Variants in KCNN2 observed in about 807,000 individuals in gnomAD.
The protein encoded by KCNN2 is small conductance calcium-activated potassium channel protein 2.
In KCNN2, 24 loss-of-function variants were observed where a neutral mutation model predicts 55.5. That is an observed-to-expected ratio of 0.43 (90% CI 0.31 to 0.61). The LOEUF is 0.61. KCNN2 is among the 20% of genes least tolerant of loss of function. The pLI is 0.08. For missense variants in KCNN2, 754 were observed against 853.6 expected (o/e 0.88, Z 1.45); for synonymous variants, 431 against 336.1 (o/e 1.28, Z -3.09).
intron 1 of KCNN2, among the ~76,000 whole-genome samples, chr5:114,199,918 T>A (rs903109884): frequency 2.0e-5 from 3 of 152,084 alleles, no homozygotes; most frequent in African/African-American, 7.2e-5. Flanking sequence ...TGACTAGATG[T>A]TTTTCTCTTG....
At chr5:114,371,617 CTG>C (rs1034365367) in intron 2 of KCNN2, among the ~76,000 whole-genome samples, 5 of 152,130 alleles carry the variant, frequency 3.3e-5, no homozygotes, top group African/African-American at 7.2e-5. Flanking sequence ...CAGAAACAGA[CTG>C]TAAGTTTTAG....
chr5:114,382,324 TC>T (rs1235049421), intron 2 of KCNN2, among the ~76,000 whole-genome samples: 1 of 152,302 alleles, frequency 6.6e-6, no homozygotes. Flanking sequence ...GTCACCTCTT[TC>T]CTTTCTGTGA....
At chr5:114,401,143 G>A (rs542842314) in intron 2 of KCNN2, among the ~76,000 whole-genome samples, 1 of 151,754 alleles carries the variant, frequency 6.6e-6, no homozygotes, top group East Asian at 1.9e-4. Flanking sequence ...TTGAGGGTCA[G>A]GATTATGTGG....
chr5:114,363,026 C>G lies in KCNN2; in HGVS notation c.887C>G (p.Thr296Ser). The change falls in exon 1 of 8, where the codon ACC becomes AGC. Residue 296 changes from threonine to serine, a missense_variant. By Grantham distance (58) the Thr-to-Ser change is moderately conservative. Around this residue, in one of 4 missense-constraint regions of KCNN2, gnomAD observed 381 missense variants for 259.1 expected, o/e 1.47. Coordinates refer to ENST00000673685, the MANE Select transcript of KCNN2 (RefSeq NM_021614.4). ...NNSNNLALYG[T>S]GGGGSTGGGG... ...TCCAACAACCTGGCGCTCTATGGAA[C>G]CGGCGGCGGAGGCAGCACTGGAGGA... 6.2e-7 allele frequency: 1 copy of G among 1,602,738 alleles called. No homozygotes were observed. Among genetic ancestry groups the G allele is most frequent in the Non-Finnish European group, 8.5e-7 (1 of 1,176,872 alleles).
At chr5:114,256,684 T>A (rs926620008) in intron 2 of KCNN2, among the ~76,000 whole-genome samples, 2 of 152,320 alleles carry the variant, frequency 1.3e-5, no homozygotes, top group South Asian at 4.1e-4. Context: ...TTGAAAAGTG[T>A]CTGTTCATAT....
chr5:114,243,452 A>G (rs981108224), intron 2 of KCNN2, among the ~76,000 whole-genome samples: 1 of 149,362 alleles, frequency 6.7e-6, no homozygotes, highest in Non-Finnish European at 1.5e-5. Context: ...GTCTGGCCCC[A>G]TCTTGCCCCG....
chr5:114,209,232 T>A (rs943538573), intron 1 of KCNN2, among the ~76,000 whole-genome samples: 1 of 152,038 alleles, frequency 6.6e-6, no homozygotes, highest in Non-Finnish European at 1.5e-5. Context: ...TTTTTAATTT[T>A]TGCCTTTTAA....
At chr5:114,333,103 G>A (rs904347898) in intron 2 of KCNN2, among the ~76,000 whole-genome samples, 2 of 152,182 alleles carry the variant, frequency 1.3e-5, no homozygotes, top group African/African-American at 4.8e-5. Flanking sequence ...AAAGTTTACA[G>A]TCAGAAAGAA....
intron 3 of KCNN2, among the ~76,000 whole-genome samples, chr5:114,430,604 A>T (rs1759763105): frequency 6.6e-6 from 1 of 152,028 alleles, no homozygotes; most frequent in African/African-American, 2.4e-5. Context: ...TGTCTTTATT[A>T]GCTAGAACTT....
At chr5:114,136,184 G>C (rs1176345755) in intron 1 of KCNN2, among the ~76,000 whole-genome samples, 2 of 152,160 alleles carry the variant, frequency 1.3e-5, no homozygotes, top group South Asian at 4.1e-4. Context: ...TAAGAGGTGG[G>C]AACACTAAGA....
chr5:114,423,784 T>G (rs1759538990), intron 3 of KCNN2, among the ~76,000 whole-genome samples: 2 of 152,140 alleles, frequency 1.3e-5, no homozygotes, highest in South Asian at 4.1e-4. Flanking sequence ...AGTCATAATT[T>G]CAAAACTCAG....
chr5:114,149,829 C>T lies in KCNN2; in HGVS notation c.-270-71651C>T, dbSNP rs760643498. On this transcript the variant is annotated intron_variant, in intron 1 of 10. Coordinates refer to the KCNN2 transcript ENST00000512097. ...GAAACAGGACGTGAAGCTAGACAACCGGTTAGACCAAAAATTCTCAGAAGG... is the reference window on the plus strand; with the variant it reads ...GAAACAGGACGTGAAGCTAGACAACTGGTTAGACCAAAAATTCTCAGAAGG... Among the ~76,000 whole-genome samples, 13 of 152,116 alleles carry T rather than the reference C, an allele frequency of 8.5e-5. No individual in the cohort carries two copies. In the South Asian group the frequency reaches 1.0e-3, roughly 12 times the overall value.
At chr5:114,356,571 A>G (rs1443230411) in intron 2 of KCNN2, among the ~76,000 whole-genome samples, 2 of 152,118 alleles carry the variant, frequency 1.3e-5, no homozygotes, top group Admixed American at 1.3e-4. Flanking sequence ...TAACTAGCTG[A>G]GAAACGGTAG....
intron 1 of KCNN2, among the ~76,000 whole-genome samples, chr5:114,219,972 T>A (rs187382499): frequency 1.8e-4 from 28 of 152,340 alleles, no homozygotes; most frequent in Admixed American, 1.6e-3. Flanking sequence ...ATTGTCTTTG[T>A]TGCATATTAT....
Position 114,403,852 on chromosome 5 carries a change from C to T in KCNN2, c.1219-586C>T, listed in dbSNP as rs375838481. On this transcript the variant is annotated intron_variant, in intron 2 of 7. Transcript: ENST00000673685. ...GAATAATCCAAGGGAAGGCTATGGA[C>T]GAATAGAAGAAAAGAGACAGAAAAT... 1.1e-4 allele frequency among the ~76,000 whole-genome samples: 16 copies of T among 152,018 alleles called. 1 individual carries two copies. The East Asian group carries it at 1.4e-3, about 13-fold the overall frequency.
At chr5:114,267,027 C>T (rs1038169595) in intron 2 of KCNN2, among the ~76,000 whole-genome samples, 2 of 147,190 alleles carry the variant, frequency 1.4e-5, no homozygotes, top group Non-Finnish European at 3.0e-5. Flanking sequence ...GACGAAGTCT[C>T]CCTCTCTCTC....
chr5:114,236,506 T>C (rs937181859), intron 2 of KCNN2, among the ~76,000 whole-genome samples: 4 of 152,142 alleles, frequency 2.6e-5, no homozygotes, highest in Admixed American at 1.3e-4. Flanking sequence ...ATCCAGAATC[T>C]AAAGTAAAAG....
At chr5:114,206,413 C>T (rs1753777182) in intron 1 of KCNN2, among the ~76,000 whole-genome samples, 1 of 152,162 alleles carries the variant, frequency 6.6e-6, no homozygotes, top group Non-Finnish European at 1.5e-5. Context: ...AGCAGAAGCT[C>T]CTGAATCCAT....
upstream of KCNN2, among the ~76,000 whole-genome samples, chr5:114,357,476 A>T (rs1480357017): frequency 1.7e-5 from 2 of 118,214 alleles, no homozygotes; most frequent in East Asian, 5.4e-4. Flanking sequence ...CAGTCCCCAG[A>T]GTGTGATATT....
Sources: gnomAD v4.1 joint callset for allele counts (sites outside exome capture counted in the v4.1 genomes callset) on GRCh38, gnomAD v4.1.1 for gene constraint, gnomAD v4.1.1 regional missense constraint, MANE v1.5 for transcripts, NCBI Gene and HGNC (gene_info 2026-07-23, HGNC 2026-07-21) for gene names.